LRRC4C: variants seen among roughly 807,000 people sequenced by gnomAD.
LRRC4C encodes leucine rich repeat containing 4C.
LRRC4C carries 5 observed loss-of-function variants against 33.6 expected under a neutral mutation model. That is an observed-to-expected ratio of 0.15 (90% confidence interval 0.08 to 0.31). LRRC4C has a LOEUF of 0.31. Ranked by LOEUF, LRRC4C falls within the 10% of genes least tolerant of loss-of-function variation. The probability of loss-of-function intolerance (pLI) is 1.00; values close to 1 mark genes in which losing one functional copy is unlikely to be tolerated. For synonymous variants in LRRC4C, 329 were observed against 302.0 expected (o/e 1.09, Z -0.93); for missense variants, 560 against 796.7 (o/e 0.70, Z 3.58).
At chr11:41,011,382 A>T (rs1305053085) in intron 1 of LRRC4C, among the ~76,000 whole-genome samples, 1 of 152,146 alleles carries the variant, frequency 6.6e-6, no homozygotes, top group Non-Finnish European at 1.5e-5. Context: ...GCTAATGGTC[A>T]GCTAAATATG....
Position 40,877,363 on chromosome 11 carries a change from CATAAT to C in LRRC4C, c.-407+56267_-407+56271del, listed in dbSNP as rs539386094. On this transcript the variant is annotated intron_variant, in intron 2 of 6. Transcript: ENST00000528697. The stretch of plus-strand genomic sequence containing the variant: ...GGTGTTTGTTGCCCACGAAGGTGCA[CATAAT>C]ATATTTTCATTTACATCCCCTGAAA... Among the ~76,000 whole-genome samples the C allele has an allele frequency of 1.4e-4, 22 of 152,244 alleles. 1 individual carries two copies. The highest frequency in any genetic ancestry group is 5.3e-4 in the African/African-American group (22 of 41,550).
At chr11:40,382,131 T>TC (rs1948901189) in intron 3 of LRRC4C, among the ~76,000 whole-genome samples, 1 of 42,602 alleles carries the variant, frequency 2.3e-5, no homozygotes, top group African/African-American at 9.5e-5. Flanking sequence ...TAATTTTTTT[T>TC]TTTTTTTTTT....
chr11:40,398,798 G>A (rs1949644550), intron 3 of LRRC4C, among the ~76,000 whole-genome samples: 2 of 151,988 alleles, frequency 1.3e-5, no homozygotes, highest in Admixed American at 6.6e-5. Flanking sequence ...AGAACAAAAA[G>A]AAAGGGAATT....
intron 2 of LRRC4C, among the ~76,000 whole-genome samples, chr11:40,851,931 C>T (rs1953523153): frequency 6.6e-6 from 1 of 152,108 alleles, no homozygotes; most frequent in South Asian, 2.1e-4. Flanking sequence ...TTTTCTGTTC[C>T]CTGCTATTGC....
intron 1 of LRRC4C, among the ~76,000 whole-genome samples, chr11:41,144,023 C>T (rs978153161): frequency 1.3e-5 from 2 of 152,180 alleles, no homozygotes; most frequent in African/African-American, 2.4e-5. Flanking sequence ...GCCACGTGCT[C>T]AATTTCACTT....
At chr11:40,615,085 A>T (rs995834309) in intron 3 of LRRC4C, among the ~76,000 whole-genome samples, 1 of 151,458 alleles carries the variant, frequency 6.6e-6, no homozygotes, top group Non-Finnish European at 1.5e-5. Flanking sequence ...ATTTGTAAAA[A>T]TTGCAAAATA....
Position 40,760,882 on chromosome 11 carries a change from T to C in LRRC4C, c.-406-112604A>G, listed in dbSNP as rs372011685. On this transcript the variant is annotated intron_variant, in intron 2 of 6. Transcript: ENST00000528697. ...ATATATGTATGTATATTATATATAATATATATATATAAATATATATTATAT... is the reference window on the plus strand; with the variant it reads ...ATATATGTATGTATATTATATATAACATATATATATAAATATATATTATAT... 6.0e-4 allele frequency among the ~76,000 whole-genome samples: 87 copies of C among 146,204 alleles called. No individual in the cohort carries two copies. The South Asian group carries it at 0.018, about 31-fold the overall frequency.
At chr11:40,208,867 G>C (rs1292930343) in intron 5 of LRRC4C, among the ~76,000 whole-genome samples, 1 of 151,684 alleles carries the variant, frequency 6.6e-6, no homozygotes, top group Admixed American at 6.6e-5. Flanking sequence ...CTTCAACTCG[G>C]TAGTTTAAAA....
At chr11:40,826,301 C>G (rs1259129845) in intron 2 of LRRC4C, among the ~76,000 whole-genome samples, 1 of 151,868 alleles carries the variant, frequency 6.6e-6, no homozygotes, top group Non-Finnish European at 1.5e-5. Flanking sequence ...AACCAAAAGT[C>G]CCATTAATAA....
chr11:40,222,543 G>A (rs965509027), intron 5 of LRRC4C, among the ~76,000 whole-genome samples: 2 of 152,180 alleles, frequency 1.3e-5, no homozygotes, highest in East Asian at 3.9e-4. Context: ...CATAGTCCAT[G>A]TATTGATGTG....
intron 3 of LRRC4C, among the ~76,000 whole-genome samples, chr11:40,629,640 TTTGA>T (rs1227519863): frequency 3.9e-5 from 6 of 152,268 alleles, no homozygotes; most frequent in African/African-American, 1.4e-4. Context: ...TCACCATAGC[TTTGA>T]TTAAGAACAT....
intron 1 of LRRC4C, among the ~76,000 whole-genome samples, chr11:41,289,192 G>A (rs968858636): frequency 2.0e-5 from 3 of 152,110 alleles, no homozygotes; most frequent in African/African-American, 7.2e-5. Flanking sequence ...TCTTTAATGA[G>A]AAAATATATC....
intron 5 of LRRC4C, among the ~76,000 whole-genome samples, chr11:40,223,094 A>G (rs1864536800): frequency 6.6e-6 from 1 of 152,234 alleles, no homozygotes; most frequent in Non-Finnish European, 1.5e-5. Context: ...GACTGTGTCC[A>G]TATTATAAAA....
At chr11:41,396,933 C>T (rs1188279003) in intron 1 of LRRC4C, among the ~76,000 whole-genome samples, 1 of 151,998 alleles carries the variant, frequency 6.6e-6, no homozygotes, top group Non-Finnish European at 1.5e-5. Context: ...AAAATTTTTG[C>T]AAACTATGAA....
intron 1 of LRRC4C, among the ~76,000 whole-genome samples, chr11:40,964,785 G>C (rs1196211713): frequency 4.0e-5 from 6 of 151,808 alleles, no homozygotes; most frequent in Admixed American, 2.0e-4. Context: ...GGACATTTGG[G>C]TTGGTTCCAA....
intron 1 of LRRC4C, among the ~76,000 whole-genome samples, chr11:41,219,981 GTT>G (rs916776333): frequency 6.6e-6 from 1 of 152,114 alleles, no homozygotes; most frequent in Non-Finnish European, 1.5e-5. Flanking sequence ...ACCTATATGT[GTT>G]TTTGTATTAT....
intron 2 of LRRC4C, among the ~76,000 whole-genome samples, chr11:40,827,579 T>C (rs1339207034): frequency 6.6e-6 from 1 of 151,926 alleles, no homozygotes; most frequent in African/African-American, 2.4e-5. Flanking sequence ...GTTATAAATA[T>C]GTATCAACAT....
At chr11:41,367,487 G>T (rs1952587340) in intron 1 of LRRC4C, among the ~76,000 whole-genome samples, 1 of 152,094 alleles carries the variant, frequency 6.6e-6, no homozygotes, top group Non-Finnish European at 1.5e-5. Context: ...CATAGTGAAA[G>T]GACTATGAGT....
intron 2 of LRRC4C, among the ~76,000 whole-genome samples, chr11:40,841,721 A>G (rs1251184085): frequency 6.6e-6 from 1 of 152,236 alleles, no homozygotes; most frequent in Non-Finnish European, 1.5e-5. Flanking sequence ...ATAGAATAAT[A>G]CAGCCTGGGA....
Sources: allele counts gnomAD v4.1 joint callset (sites outside exome capture counted in the v4.1 genomes callset), GRCh38; gene constraint gnomAD v4.1.1; transcripts MANE v1.5; gene names NCBI Gene and HGNC (gene_info 2026-07-23, HGNC 2026-07-21).